CSMD1: variants seen among roughly 807,000 people sequenced by gnomAD.
The protein encoded by CSMD1 is CUB and sushi domain-containing protein 1.
Under a neutral mutation model 417.5 loss-of-function variants are expected in CSMD1, and 213 were observed. That is an observed-to-expected ratio of 0.51 (90% CI 0.46 to 0.57). The LOEUF is 0.57. CSMD1 is among the 20% of genes least tolerant of loss of function. The pLI, the probability that CSMD1 is intolerant of heterozygous loss-of-function variation, is 0.00. For missense variants in CSMD1, 6,923 were observed against 4,529.7 expected (o/e 1.53, Z -15.17); for synonymous variants, 2,862 against 1,736.8 (o/e 1.65, Z -16.11).
chr8:3,761,797 T>A (rs1013808491), intron 5 of CSMD1, among the ~76,000 whole-genome samples: 1 of 152,126 alleles, frequency 6.6e-6, no homozygotes, highest in Non-Finnish European at 1.5e-5. Context: ...TGAGCAACAA[T>A]GCCCAGCCAA....
At chr8:3,754,890 G>A (rs1490413659) in intron 5 of CSMD1, among the ~76,000 whole-genome samples, 1 of 152,190 alleles carries the variant, frequency 6.6e-6, no homozygotes, top group Non-Finnish European at 1.5e-5. Context: ...TAAAGAAGAG[G>A]ACCATTTATG....
rs569089296 is a variant in CSMD1, at chr8:3,005,779, A to G, written c.8030-5648T>C. On this transcript the variant is annotated intron_variant, in intron 52 of 69. Transcript: ENST00000635120. ...TATTGATGGGATGTATCTCAAAATA[A>G]TAAGAGCTATCTATGACAAACCCAC... Among the ~76,000 whole-genome samples the G allele has an allele frequency of 4.2e-4, 64 of 152,324 alleles. 1 individual carries two copies. In the East Asian group the frequency reaches 0.012, roughly 29 times the overall value.
At chr8:3,615,423 A>C (rs928779076) in intron 8 of CSMD1, among the ~76,000 whole-genome samples, 3 of 152,180 alleles carry the variant, frequency 2.0e-5, no homozygotes, top group Admixed American at 6.5e-5. Context: ...AATCACTTCA[A>C]TAAGAAATTT....
In CSMD1 at chr8:3,641,660, C is replaced by T. The variant is rs1416755089; in HGVS notation, c.1010-24863G>A. On this transcript the variant is annotated intron_variant, in intron 7 of 69. Coordinates refer to ENST00000635120, the MANE Select transcript of CSMD1 (RefSeq NM_033225.6). ...AGCATTTATAGTCACGTAGGAATTT[C>T]AAATACAGCTTTTGCCCCAACAGAG... 2.0e-5 allele frequency among the ~76,000 whole-genome samples: 3 copies of T among 152,272 alleles called. No homozygotes were observed. In the Middle Eastern group the frequency reaches 0.01, roughly 518 times the overall value.
chr8:4,382,045 G>A (rs555789687), intron 3 of CSMD1, among the ~76,000 whole-genome samples: 100 of 152,216 alleles, frequency 6.6e-4, no homozygotes, highest in African/African-American at 2.3e-3. Context: ...TCTGTTATGC[G>A]ACACCAGAAC....
At chr8:4,845,748 T>C (rs534569217) in intron 1 of CSMD1, among the ~76,000 whole-genome samples, 8 of 152,298 alleles carry the variant, frequency 5.3e-5, no homozygotes, top group African/African-American at 1.7e-4. Context: ...TGGCCGGTGC[T>C]CAGGGAGCTG....
At chr8:3,473,266 A>G (rs1313509958) in intron 11 of CSMD1, among the ~76,000 whole-genome samples, 1 of 152,160 alleles carries the variant, frequency 6.6e-6, no homozygotes, top group African/African-American at 2.4e-5. Flanking sequence ...TTCCACACAA[A>G]GTTCTTCAAT....
chr8:3,397,279 A>G (rs1811761916), intron 16 of CSMD1, among the ~76,000 whole-genome samples: 1 of 152,198 alleles, frequency 6.6e-6, no homozygotes, highest in African/African-American at 2.4e-5. Context: ...AGCCTGTGCC[A>G]TTAGCTCTGT....
chr8:3,937,582 T>C (rs1193253179), intron 5 of CSMD1, among the ~76,000 whole-genome samples: 2 of 152,158 alleles, frequency 1.3e-5, no homozygotes, highest in East Asian at 3.9e-4. Context: ...CATGTAAATA[T>C]AACTTTAATA....
chr8:4,752,559 C>G (rs1389584310), intron 1 of CSMD1, among the ~76,000 whole-genome samples: 1 of 152,054 alleles, frequency 6.6e-6, no homozygotes, highest in Non-Finnish European at 1.5e-5. Context: ...CCCAGATGCA[C>G]AGAGTGAAAA....
chr8:4,604,381 TTGTGTG>T (rs368710127), intron 2 of CSMD1, among the ~76,000 whole-genome samples: 8 of 91,626 alleles, frequency 8.7e-5, no homozygotes, highest in Admixed American at 3.4e-4. Context: ...ACAAATAGCA[TTGTGTG>T]TGTGTGTGTG....
At chr8:3,872,960 C>A (rs1351521650) in intron 5 of CSMD1, among the ~76,000 whole-genome samples, 1 of 151,952 alleles carries the variant, frequency 6.6e-6, no homozygotes, top group East Asian at 1.9e-4. Context: ...AAAAGCTCAA[C>A]ATCACTGATC....
Position 3,997,163 on chromosome 8 carries a change from T to C in CSMD1, c.818+740A>G, listed in dbSNP as rs1227269443. 3.9e-5 allele frequency among the ~76,000 whole-genome samples: 6 copies of C among 152,232 alleles called. No individual in the cohort carries two copies. In the East Asian group the frequency reaches 1.2e-3, roughly 29 times the overall value. On this transcript the variant is annotated intron_variant, in intron 5 of 69. Transcript: ENST00000635120. Reference sequence around the variant, plus strand: ...AATAATAAAAACAATAACACAATTTTACATGCAACAAATGACTTAATTCAA... The same window carrying C: ...AATAATAAAAACAATAACACAATTTCACATGCAACAAATGACTTAATTCAA...
At chr8:3,021,575 A>G (rs775410655) in intron 51 of CSMD1, among the ~76,000 whole-genome samples, 2 of 152,204 alleles carry the variant, frequency 1.3e-5, no homozygotes, top group Non-Finnish European at 2.9e-5. Flanking sequence ...GCTTCCTCTG[A>G]ACTCTGGGAG....
chr8:4,353,331 T>A (rs1156489484), intron 3 of CSMD1, among the ~76,000 whole-genome samples: 1 of 152,150 alleles, frequency 6.6e-6, no homozygotes, highest in Non-Finnish European at 1.5e-5. Context: ...CCATGTAAGA[T>A]GTGACTTTGC....
chr8:3,384,198 A>C (rs1018685758), intron 18 of CSMD1, among the ~76,000 whole-genome samples: 3 of 152,148 alleles, frequency 2.0e-5, no homozygotes, highest in Non-Finnish European at 2.9e-5. Context: ...AAATATGTAG[A>C]CATCTTTAAA....
At chr8:3,471,265 T>C (rs1256491193) in intron 11 of CSMD1, among the ~76,000 whole-genome samples, 1 of 152,204 alleles carries the variant, frequency 6.6e-6, no homozygotes, top group Non-Finnish European at 1.5e-5. Context: ...TTATTTGCCA[T>C]TTATACGTCT....
At chr8:4,272,771 G>T (rs148531206) in intron 3 of CSMD1, among the ~76,000 whole-genome samples, 1 of 152,214 alleles carries the variant, frequency 6.6e-6, no homozygotes, top group African/African-American at 2.4e-5. Context: ...TCTCAGTAAA[G>T]GAGGTTAGTA....
At chr8:4,206,190 G>C (rs903841404) in intron 3 of CSMD1, among the ~76,000 whole-genome samples, 1 of 151,750 alleles carries the variant, frequency 6.6e-6, no homozygotes, top group African/African-American at 2.4e-5. Flanking sequence ...GAAAAATGAG[G>C]ATTTCTTTTT....
Sources: allele counts gnomAD v4.1 joint callset (sites outside exome capture counted in the v4.1 genomes callset), GRCh38; gene constraint gnomAD v4.1.1; transcripts MANE v1.5; gene names NCBI Gene and HGNC (gene_info 2026-07-23, HGNC 2026-07-21).